PLPPR1: variants seen among roughly 807,000 people sequenced by gnomAD.
PLPPR1 encodes phospholipid phosphatase related 1.
A neutral mutation model predicts 33.1 loss-of-function variants in PLPPR1; 10 were observed. The observed-to-expected ratio is 0.30, with a 90% CI of 0.19 to 0.51. PLPPR1 has a LOEUF of 0.51. Ranked by LOEUF, PLPPR1 falls within the 20% of genes least tolerant of loss-of-function variation. PLPPR1 has a pLI of 0.97. For missense variants in PLPPR1, 304 were observed against 408.1 expected (o/e 0.74, Z 2.20); for synonymous variants, 151 against 151.0 (o/e 1.00, Z 0.00).
chr9:101,117,201 G>A (rs946705648), intron 1 of PLPPR1, among the ~76,000 whole-genome samples: 3 of 152,106 alleles, frequency 2.0e-5, no homozygotes, highest in African/African-American at 7.2e-5. Context: ...TTCCCAGGAG[G>A]TTAGAGCATT....
chr9:101,082,064 G>C (rs920108650), intron 1 of PLPPR1, among the ~76,000 whole-genome samples: 20 of 152,304 alleles, frequency 1.3e-4, no homozygotes, highest in East Asian at 9.6e-4. Context: ...TAATGTCTGG[G>C]CTTCATTTTT....
intron 2 of PLPPR1, among the ~76,000 whole-genome samples, chr9:101,269,358 T>G (rs1043671142): frequency 6.6e-6 from 1 of 152,220 alleles, no homozygotes; most frequent in African/African-American, 2.4e-5. Context: ...GAAATTTCCC[T>G]TAACCCATCT....
At chr9:101,146,734 A>T (rs564904650) in intron 1 of PLPPR1, among the ~76,000 whole-genome samples, 2 of 152,342 alleles carry the variant, frequency 1.3e-5, no homozygotes, top group African/African-American at 4.8e-5. Flanking sequence ...AGGACACAGT[A>T]CATTGCCTGA....
At chr9:101,191,017 C>A (rs1057458053) in intron 2 of PLPPR1, among the ~76,000 whole-genome samples, 4 of 152,172 alleles carry the variant, frequency 2.6e-5, no homozygotes, top group Admixed American at 2.0e-4. Context: ...TGAATTGTAG[C>A]TTGTAGTCCT....
rs534995998 is a variant in PLPPR1 at position 101,292,542 on chromosome 9, A to G, written c.385+6306A>G. ...AAAAATGTTAAGGGCAGCCAGAGAG[A>G]ATGGTCGGGTAACCCACAAAGGGAA... On this transcript the variant is annotated intron_variant, in intron 4 of 7. Transcript: ENST00000374874. Among the ~76,000 whole-genome samples, 24 of 150,404 alleles carry G rather than the reference A, an allele frequency of 1.6e-4. No individual in the cohort carries two copies. The South Asian group carries it at 5.0e-3, about 31-fold the overall frequency.
chr9:101,050,124 G>GAAAAAAAAA (rs35688096), intron 1 of PLPPR1, among the ~76,000 whole-genome samples: 1 of 35,176 alleles, frequency 2.8e-5, no homozygotes, highest in Non-Finnish European at 6.7e-5. Context: ...CTCCAACTCA[G>GAAAAAAAAA]AAAAAAAAAA....
At chr9:101,245,583 C>T (rs745773644) in intron 2 of PLPPR1, among the ~76,000 whole-genome samples, 1 of 151,858 alleles carries the variant, frequency 6.6e-6, no homozygotes, top group Non-Finnish European at 1.5e-5. Flanking sequence ...GTCCAACTTA[C>T]ACTATATATT....
At chr9:101,231,081 G>A (rs1827174284) in intron 2 of PLPPR1, among the ~76,000 whole-genome samples, 1 of 151,720 alleles carries the variant, frequency 6.6e-6, no homozygotes, top group African/African-American at 2.4e-5. Context: ...GACTTGATGA[G>A]GTTAAGTGAA....
intron 1 of PLPPR1, among the ~76,000 whole-genome samples, chr9:101,151,493 A>G (rs1831584744): frequency 6.6e-6 from 1 of 152,224 alleles, no homozygotes; most frequent in South Asian, 2.1e-4. Context: ...AGATAAAGCC[A>G]TGTTGCTTTG....
chr9:101,145,309 A>G (rs915308914), intron 1 of PLPPR1, among the ~76,000 whole-genome samples: 6 of 152,234 alleles, frequency 3.9e-5, no homozygotes, highest in Non-Finnish European at 5.9e-5. Context: ...AAGGTAGTTC[A>G]TGTGTTAATT....
intron 4 of PLPPR1, among the ~76,000 whole-genome samples, chr9:101,286,890 G>T (rs1828403976): frequency 6.6e-6 from 1 of 152,148 alleles, no homozygotes; most frequent in African/African-American, 2.4e-5. Context: ...CTCTATAAAT[G>T]ATAACTATTA....
At chr9:101,301,168 CAAA>C (rs1195023567) in intron 4 of PLPPR1, among the ~76,000 whole-genome samples, 2 of 152,126 alleles carry the variant, frequency 1.3e-5, no homozygotes, top group Admixed American at 1.3e-4. Flanking sequence ...ATTACAATGA[CAAA>C]TACAGGGTAT....
Position 101,241,930 on chromosome 9 carries a change from A to T in PLPPR1, c.64-27950A>T, listed in dbSNP as rs186457157. Among the ~76,000 whole-genome samples, 265 of 152,220 alleles carry T rather than the reference A, an allele frequency of 1.7e-3. 2 individuals carry two copies. The highest frequency in any genetic ancestry group is 3.4e-3 in the Middle Eastern group (1 of 294). ...CCCCAAATGTAATCATTTATTTTTT[A>T]AAATGCATTTTATTTTGCACAGAAA... On this transcript the variant is annotated intron_variant, in intron 2 of 7. Transcript: ENST00000374874.
intron 2 of PLPPR1, among the ~76,000 whole-genome samples, chr9:101,213,589 G>GA (rs1245919207): frequency 2.0e-5 from 3 of 152,236 alleles, no homozygotes; most frequent in African/African-American, 7.2e-5. Flanking sequence ...GCAATCATGG[G>GA]AAAACCTATG....
intron 1 of PLPPR1, among the ~76,000 whole-genome samples, chr9:101,036,268 C>G (rs886350604): frequency 6.6e-6 from 1 of 152,044 alleles, no homozygotes. Flanking sequence ...GGCAAGGGCC[C>G]TGATTGAAAA....
intron 1 of PLPPR1, among the ~76,000 whole-genome samples, chr9:101,062,103 T>C (rs1451303407): frequency 1.3e-5 from 2 of 151,986 alleles, no homozygotes; most frequent in Non-Finnish European, 1.5e-5. Flanking sequence ...TCAAACTCTG[T>C]CTTTTGCAAG....
At chr9:101,303,610 G>T in intron 4 of PLPPR1, among the ~76,000 whole-genome samples, 1 of 152,088 alleles carries the variant, frequency 6.6e-6, no homozygotes, top group East Asian at 1.9e-4. Flanking sequence ...AACAATTTTT[G>T]ATAAGAGATT....
At chr9:101,217,867 A>G (rs555732765) in intron 2 of PLPPR1, among the ~76,000 whole-genome samples, 50 of 152,310 alleles carry the variant, frequency 3.3e-4, no homozygotes, top group African/African-American at 1.2e-3. Context: ...ATAAATTTCT[A>G]TATTAATAGA....
At chr9:101,238,622 G>A (rs1827383414) in intron 2 of PLPPR1, among the ~76,000 whole-genome samples, 1 of 151,508 alleles carries the variant, frequency 6.6e-6, no homozygotes, top group Non-Finnish European at 1.5e-5. Context: ...AGACATTGGA[G>A]ACACTAAAAG....
Sources: allele counts gnomAD v4.1 joint callset (sites outside exome capture counted in the v4.1 genomes callset), GRCh38; gene constraint gnomAD v4.1.1; transcripts MANE v1.5; gene names NCBI Gene and HGNC (gene_info 2026-07-23, HGNC 2026-07-21).